Variants in CD101 observed in about 807,000 individuals in gnomAD.
The protein encoded by CD101 is immunoglobulin superfamily member 2.
CD101 carries 76 observed loss-of-function variants against 98.2 expected under a neutral mutation model. The ratio of observed to expected loss-of-function variants is 0.77; its 90% confidence interval spans 0.64 to 0.94. The LOEUF is 0.94. Among genes scored for constraint, CD101 ranks in the 40% least tolerant of loss-of-function variants. The pLI is 0.00. For missense variants in CD101, 1,145 were observed against 1,218.8 expected (o/e 0.94, Z 0.90); for synonymous variants, 471 against 472.7 (o/e 1.00, Z 0.05).
Position 117,018,149 on chromosome 1 carries a change from TG to T in CD101, c.1613-6del, listed in dbSNP as rs779821062. The T allele has an allele frequency of 1.3e-5, 20 of 1,554,910 alleles. No individual in the cohort carries two copies. In the South Asian group the frequency reaches 2.4e-4, roughly 19 times the overall value. On this transcript the variant is annotated splice_region_variant and splice_polypyrimidine_tract_variant and intron_variant, in intron 5 of 9. Transcript: ENST00000682167. The surrounding 1 kb of genome is among the most constrained non-coding windows in gnomAD (Gnocchi z 4.3). ...TATTAGAAATTCTGTTTCATTTTTC[TG>T]TCTAGAGTCAAGTTTACAAGTTAGT...
rs912713100 is a variant in CD101 at position 117,015,553 on chromosome 1, C to T, written c.1229-1537C>T. Among the ~76,000 whole-genome samples the T allele has an allele frequency of 2.6e-5, 4 of 152,166 alleles. No individual in the cohort carries two copies. In the South Asian group the frequency reaches 6.2e-4, roughly 24 times the overall value. On this transcript the variant is annotated intron_variant, in intron 4 of 9. Coordinates refer to ENST00000682167, the MANE Select transcript of CD101 (RefSeq NM_001256106.3). ...TCTTTGTTACTTATGTATATGTATG[C>T]ATAAAACAGTCAAAGATTGAACTCC...
intron 1 of CD101, among the ~76,000 whole-genome samples, chr1:117,007,705 C>T (rs2806873): frequency 0.13 from 19,968 of 152,214 alleles, 1,531 homozygotes; most frequent in Middle Eastern, 0.21. Context: ...CTAAATAATA[C>T]AGTGTGGTTT....
chr1:117,014,470 C>T (rs903351838), intron 4 of CD101, among the ~76,000 whole-genome samples: 1 of 152,080 alleles, frequency 6.6e-6, no homozygotes, highest in Non-Finnish European at 1.5e-5. Context: ...TGTGGTGAGA[C>T]GCCGGTCCAA....
rs1183086754 is a variant in CD101 at position 117,019,324 on chromosome 1, G to A, written c.2017+764G>A. On this transcript the variant is annotated intron_variant, in intron 6 of 9. Transcript: ENST00000682167. The surrounding 1 kb of genome is among the most constrained non-coding windows in gnomAD (Gnocchi z 4.3). Reference sequence around the variant, plus strand: ...AATATGGTGACATATATAACATGCCGAGTACCTGACACACCAAGATGACGC... The same window carrying A: ...AATATGGTGACATATATAACATGCCAAGTACCTGACACACCAAGATGACGC... Among the ~76,000 whole-genome samples the A allele has an allele frequency of 3.9e-5, 6 of 152,078 alleles. No individual in the cohort carries two copies. Among genetic ancestry groups the A allele is most frequent in the Non-Finnish European group, 5.9e-5 (4 of 68,018 alleles).
rs537319132 is a variant in CD101 at position 117,012,982 on chromosome 1, T to A, written c.842-424T>A. Reference sequence around the variant, plus strand: ...CCTATGGAGCGATATCACATGTGCTTTTTAACTTCAGAAAATTCTGCTGGA... The same window carrying A: ...CCTATGGAGCGATATCACATGTGCTATTTAACTTCAGAAAATTCTGCTGGA... On this transcript the variant is annotated intron_variant, in intron 3 of 9. Coordinates refer to ENST00000682167, the MANE Select transcript of CD101 (RefSeq NM_001256106.3). The surrounding 1 kb of genome is among the most constrained non-coding windows in gnomAD (Gnocchi z 4.0). 1.9e-3 allele frequency among the ~76,000 whole-genome samples: 293 copies of A among 152,286 alleles called. 1 individual carries two copies. The highest frequency in any genetic ancestry group is 3.2e-3 in the Admixed American group (49 of 15,304).
chr1:117,017,138 A>T lies in CD101; in HGVS notation c.1277A>T (p.Glu426Val). 8 of 1,614,218 alleles carry T rather than the reference A, an allele frequency of 5.0e-6. No individual in the cohort carries two copies. The highest frequency in any genetic ancestry group is 6.8e-6 in the Non-Finnish European group (8 of 1,180,034). ...AAGAACAAGCAGCAAGTTGTGTGGG[A>T]AGGAGAGACACTCGCCTTTCTCTGT... is the stretch of plus-strand genomic sequence containing the variant. ...STKNKQQVVWEGETLAFLCKA... is the reference protein window; with the variant it reads ...STKNKQQVVWVGETLAFLCKA... Residue 426 changes from glutamate (E) to valine (V), a missense_variant, in exon 5 of 10, where the codon GAA (glutamate) becomes GTA (valine). By Grantham distance (121) the Glu-to-Val change is moderately radical. Coordinates refer to ENST00000682167, the MANE Select transcript of CD101 (RefSeq NM_001256106.3).
intron 4 of CD101, among the ~76,000 whole-genome samples, chr1:117,016,212 A>C (rs926844259): frequency 1.4e-5 from 2 of 147,990 alleles, no homozygotes; most frequent in African/African-American, 4.9e-5. Context: ...TTATTTATAT[A>C]TATATATAAA....
chr1:117,018,241 C>A lies in CD101; in HGVS notation c.1698C>A (p.Ala566=), dbSNP rs12059596. 6.2e-7 allele frequency: 1 copy of A among 1,614,000 alleles called. No individual in the cohort carries two copies. Among genetic ancestry groups the A allele is most frequent in the Admixed American group, 1.7e-5 (1 of 59,988 alleles). ...NTFDLSCVVR[A]GYSDLKVPLT... is the part of the protein sequence containing the mutation. Reference sequence around the variant, plus strand: ...TTGACCTGTCCTGTGTCGTGAGGGCCGGTTACTCTGACCTCAAGGTGCCAC... The same window carrying A: ...TTGACCTGTCCTGTGTCGTGAGGGCAGGTTACTCTGACCTCAAGGTGCCAC... The change falls in exon 6 of 10, where the codon GCC becomes GCA. Residue 566 remains alanine, a synonymous_variant. Coordinates refer to ENST00000682167, the MANE Select transcript of CD101 (RefSeq NM_001256106.3). This position sits in a 1 kb window ranked among gnomAD's most constrained non-coding sequence, Gnocchi z 4.3.
chr1:117,007,409 G>A (rs578080186), intron 1 of CD101, among the ~76,000 whole-genome samples: 26 of 151,576 alleles, frequency 1.7e-4, no homozygotes, highest in South Asian at 1.0e-3. Flanking sequence ...GTACAGTGAC[G>A]CAATCTCGGC....
chr1:117,032,533 T>C (rs1443230728), intron 8 of CD101: 4 of 152,246 alleles, frequency 2.6e-5, no homozygotes, highest in Non-Finnish European at 5.9e-5. Flanking sequence ...CAAAATGACC[T>C]CTAAACCTCT....
At chr1:117,013,925 T>TG in intron 4 of CD101, 133 bp downstream of exon 4, 2 of 1,085,616 alleles carry the variant, frequency 1.8e-6, no homozygotes, top group Non-Finnish European at 2.6e-6. Context: ...GGAGGTGGAG[T>TG]GGAGTGGAGT....
Position 117,023,915 on chromosome 1 carries a change from A to G in CD101, c.2429-1594A>G, listed in dbSNP as rs1429140723. Reference sequence around the variant, plus strand: ...GAAAAGAAGTCAATTTCAAGGAGAAATTGGACTCCAGTAACAAAAACCACA... The same window carrying G: ...GAAAAGAAGTCAATTTCAAGGAGAAGTTGGACTCCAGTAACAAAAACCACA... On this transcript the variant is annotated intron_variant, in intron 7 of 9. Coordinates refer to ENST00000682167, the MANE Select transcript of CD101 (RefSeq NM_001256106.3). The surrounding 1 kb of genome is among the most constrained non-coding windows in gnomAD (Gnocchi z 4.4). Among the ~76,000 whole-genome samples, 4 of 152,192 alleles carry G rather than the reference A, an allele frequency of 2.6e-5. No homozygotes were observed. The highest frequency in any genetic ancestry group is 4.4e-5 in the Non-Finnish European group (3 of 68,032).
chr1:117,009,499 A>T (rs1475312064), intron 1 of CD101, among the ~76,000 whole-genome samples: 1 of 152,280 alleles, frequency 6.6e-6, no homozygotes, highest in Non-Finnish European at 1.5e-5. Context: ...AGTATATGCC[A>T]AATTTTCTCA....
At chr1:117,016,206 TTA>T (rs532707145) in intron 4 of CD101, among the ~76,000 whole-genome samples, 8 of 146,168 alleles carry the variant, frequency 5.5e-5, no homozygotes, top group South Asian at 2.1e-4. Flanking sequence ...ATATATTTAT[TTA>T]TATATATATA....
chr1:117,023,415 C>G lies in CD101; in HGVS notation c.2428+1432C>G, dbSNP rs1193628637. Among the ~76,000 whole-genome samples, 1 of 151,978 alleles carries G rather than the reference C, an allele frequency of 6.6e-6. No homozygotes were observed. Among genetic ancestry groups the G allele is most frequent in the Admixed American group, 6.6e-5 (1 of 15,240 alleles). The stretch of plus-strand genomic sequence containing the variant: ...TTTGAGAATGTCCACAACTAATTCA[C>G]TTCTTCTTTTTCTTTTTTTTTAGAC... On this transcript the variant is annotated intron_variant, in intron 7 of 9. Transcript: ENST00000682167. This position sits in a 1 kb window ranked among gnomAD's most constrained non-coding sequence, Gnocchi z 4.4.
chr1:117,010,150 A>T lies in CD101; in HGVS notation c.344A>T (p.Asp115Val), dbSNP rs746557686. The change falls in exon 2 of 10, where the codon GAT (aspartate) becomes GTT (valine). Residue 115 changes from aspartate (D) to valine (V), a missense_variant. Asp to Val is a radical substitution (Grantham distance 152). Coordinates refer to ENST00000682167, the MANE Select transcript of CD101 (RefSeq NM_001256106.3). The surrounding 1 kb of genome is among the most constrained non-coding windows in gnomAD (Gnocchi z 5.2). ...LLHISKLQMKDAGEYECHTPN... is the reference protein window; with the variant it reads ...LLHISKLQMKVAGEYECHTPN... ...CACATCTCAAAACTCCAGATGAAGGATGCTGGCGAGTATGAGTGTCACACA... is the reference window on the plus strand; with the variant it reads ...CACATCTCAAAACTCCAGATGAAGGTTGCTGGCGAGTATGAGTGTCACACA... 1 of 1,614,228 alleles carries T rather than the reference A, an allele frequency of 6.2e-7. No individual in the cohort carries two copies. The highest frequency in any genetic ancestry group is 1.1e-5 in the South Asian group (1 of 91,090).
intron 8 of CD101, 89 bp downstream of exon 8, chr1:117,025,993 C>A: frequency 7.3e-7 from 1 of 1,376,644 alleles, no homozygotes; most frequent in Non-Finnish European, 9.7e-7. Context: ...TCTTTTGCTC[C>A]TTCTGAAGAC....
Position 117,017,357 on chromosome 1 carries a change from C to A in CD101, c.1496C>A (p.Thr499Asn), listed in dbSNP as rs1177469825. 6.2e-7 allele frequency: 1 copy of A among 1,614,240 alleles called. No homozygotes were observed. The highest frequency in any genetic ancestry group is 2.2e-5 in the East Asian group (1 of 44,880). ...MDWATFQLEI[T>N]FTAITDSGTY... ...TGGGCCACCTTCCAGCTGGAGATCA[C>A]CTTCACTGCCATCACAGACAGTGGC... Residue 499 changes from threonine to asparagine, a missense_variant, in exon 5 of 10, where the codon ACC becomes AAC. By Grantham distance (65) the Thr-to-Asn change is moderately conservative. Coordinates refer to ENST00000682167, the MANE Select transcript of CD101 (RefSeq NM_001256106.3).
chr1:117,013,192 T>C (rs984115270), intron 3 of CD101, among the ~76,000 whole-genome samples: 1 of 152,218 alleles, frequency 6.6e-6, no homozygotes, highest in African/African-American at 2.4e-5. Context: ...GAAAACCATG[T>C]GTACTGTCCT....
Sources: gnomAD v4.1 joint callset for allele counts (sites outside exome capture counted in the v4.1 genomes callset) on GRCh38, gnomAD v4.1.1 for gene constraint, Gnocchi (gnomAD v3.1) non-coding constraint, MANE v1.5 for transcripts, NCBI Gene and HGNC (gene_info 2026-07-23, HGNC 2026-07-21) for gene names.